The following MCUR1 variants were observed in gnomAD, a reference collection of about 807,000 sequenced individuals.
The protein encoded by MCUR1 is mitochondrial calcium uniporter regulator 1.
A neutral mutation model predicts 42.0 loss-of-function variants in MCUR1; 37 were observed. The observed-to-expected ratio is 0.88, with a 90% CI of 0.68 to 1.16. The LOEUF is 1.16. Ranked by LOEUF, MCUR1 falls within the 50% of genes most tolerant of loss-of-function variation. The pLI is 0.00. For missense variants in MCUR1, 469 were observed against 468.4 expected (o/e 1.00, Z -0.01); for synonymous variants, 229 against 196.2 (o/e 1.17, Z -1.40).
chr6:13,813,924 G>T, intron 1 of MCUR1, 91 bp downstream of exon 1: 1 of 1,196,668 alleles, frequency 8.4e-7, no homozygotes, highest in Non-Finnish European at 1.0e-6. Context: ...GGCCTGCCGG[G>T]CCTTTCCTCG....
At chr6:13,799,368 A>G (rs1759936839) in intron 5 of MCUR1, among the ~76,000 whole-genome samples, 1 of 152,174 alleles carries the variant, frequency 6.6e-6, no homozygotes, top group African/African-American at 2.4e-5. Flanking sequence ...TATGTTTAGT[A>G]GAGATGGGGT....
chr6:13,803,329 GGGATTACA>G (rs1760034795), intron 2 of MCUR1, among the ~76,000 whole-genome samples: 1 of 152,212 alleles, frequency 6.6e-6, no homozygotes, highest in Admixed American at 6.5e-5. Context: ...CCAACGTGCT[GGGATTACA>G]GGCGCAAGCC....
chr6:13,801,454 A>C, intron 3 of MCUR1, 65 bp from the exon 4 acceptor site: 181 of 1,076,792 alleles, frequency 1.7e-4, no homozygotes, highest in Non-Finnish European at 2.3e-4. Flanking sequence ...CTATCATCTC[A>C]ATGTGCTATC....
intron 1 of MCUR1, among the ~76,000 whole-genome samples, chr6:13,809,299 A>C (rs1760179633): frequency 6.6e-6 from 1 of 152,154 alleles, no homozygotes; most frequent in Admixed American, 6.5e-5. Flanking sequence ...CTTTAAGTAC[A>C]TTGTACTTTT....
chr6:13,798,741 T>C (rs1279506239), intron 6 of MCUR1, 92 bp downstream of exon 6: 3 of 852,368 alleles, frequency 3.5e-6, no homozygotes. Flanking sequence ...TATTTAACAG[T>C]ACCTATGACA....
At position 13,814,398 on chromosome 6, in the gene MCUR1, G is replaced by T; in HGVS notation, c.32C>A (p.Thr11Asn). 6.5e-7 allele frequency: 1 copy of T among 1,538,378 alleles called. No homozygotes were observed. ...CCGCTGGCGGCCGGGCAGGCGCTGG[G>T]TCCTCTGGCCGCCGACCGAGCCGCA... Reference protein sequence around the residue: MDCGSVGGQRTQRLPGRQRLL... With the variant: MDCGSVGGQRNQRLPGRQRLL... Residue 11 changes from threonine to asparagine, a missense_variant, in exon 1 of 9, where the codon ACC (threonine) becomes AAC (asparagine). Coordinates refer to ENST00000379170, the MANE Select transcript of MCUR1 (RefSeq NM_001031713.4).
At chr6:13,812,638 T>C (rs1180274322) in intron 1 of MCUR1, among the ~76,000 whole-genome samples, 1 of 152,238 alleles carries the variant, frequency 6.6e-6, no homozygotes, top group Non-Finnish European at 1.5e-5. Flanking sequence ...ACTCTCTGTA[T>C]ATAAAGTTTC....
intron 1 of MCUR1, among the ~76,000 whole-genome samples, chr6:13,810,304 T>C (rs925700433): frequency 1.3e-5 from 2 of 152,132 alleles, no homozygotes; most frequent in Admixed American, 6.5e-5. Flanking sequence ...CTACTACTAT[T>C]AAATATTGTA....
In MCUR1 at chr6:13,788,154, A is replaced by T. The variant is rs1759642472; in HGVS notation, c.*2655T>A. Reference sequence around the variant, plus strand: ...TGCCTTGGCCTCCCAAAGTGCTGGGATTATAGGCATGAGCCACCGCACCCA... The same window carrying T: ...TGCCTTGGCCTCCCAAAGTGCTGGGTTTATAGGCATGAGCCACCGCACCCA... On this transcript the variant is annotated 3_prime_UTR_variant, in exon 9 of 9. Coordinates refer to ENST00000379170, the MANE Select transcript of MCUR1 (RefSeq NM_001031713.4). 1 of 152,324 alleles carries T rather than the reference A, an allele frequency of 6.6e-6. No homozygotes were observed. Among genetic ancestry groups the T allele is most frequent in the African/African-American group, 2.4e-5 (1 of 41,444 alleles). The allele number at this position is 152,324 out of a possible 1,614,324, so 9.4% of individuals were successfully genotyped here.
chr6:13,788,500 T>A lies in MCUR1; in HGVS notation c.*2309A>T, dbSNP rs182300300. On this transcript the variant is annotated 3_prime_UTR_variant, in exon 9 of 9. Transcript: ENST00000379170. ...GAAGAACGACATGTGAGAAAACTTA[T>A]AGCAGATGCAAAAATGTCAACCCAC... 6.6e-6 allele frequency: 1 copy of A among 152,162 alleles called. No homozygotes were observed. The highest frequency in any genetic ancestry group is 2.4e-5 in the African/African-American group (1 of 41,452). The allele number at this position is 152,162 out of a possible 1,614,324, so 9.4% of individuals were successfully genotyped here. A position where few individuals can be genotyped will look rare whatever the true frequency, so the allele number is the denominator to read the frequency against.
At chr6:13,805,584 G>T (rs1760097008) in intron 2 of MCUR1, among the ~76,000 whole-genome samples, 1 of 152,194 alleles carries the variant, frequency 6.6e-6, no homozygotes, top group African/African-American at 2.4e-5. Context: ...GCAGGGTTAG[G>T]CTCGAGCCCA....
At chr6:13,798,791 A>G in intron 6 of MCUR1, 42 bp downstream of exon 6, 1 of 1,517,406 alleles carries the variant, frequency 6.6e-7, no homozygotes, top group Non-Finnish European at 9.1e-7. Context: ...TCCATTCCAA[A>G]AATAAATTAA....
chr6:13,806,473 T>C (rs1388625657), intron 2 of MCUR1, among the ~76,000 whole-genome samples: 1 of 152,226 alleles, frequency 6.6e-6, no homozygotes, highest in Non-Finnish European at 1.5e-5. Flanking sequence ...TGTACTTCCA[T>C]GGTGATGTTA....
Position 13,793,043 on chromosome 6 carries a change from A to T in MCUR1, c.909+851T>A, listed in dbSNP as rs577031016. Among the ~76,000 whole-genome samples the T allele has an allele frequency of 2.6e-3, 399 of 150,634 alleles. 1 individual carries two copies. The highest frequency in any genetic ancestry group is 4.4e-3 in the Non-Finnish European group (297 of 67,786). ...GTGAGCCTGTGGTCCCAGCTACTCT[A>T]CAGGCTGAGGTGAAGGAGGGTGCAG... is the stretch of plus-strand genomic sequence containing the variant. On this transcript the variant is annotated intron_variant, in intron 7 of 8. Transcript: ENST00000379170.
chr6:13,812,046 G>C (rs531638237), intron 1 of MCUR1, among the ~76,000 whole-genome samples: 18 of 152,200 alleles, frequency 1.2e-4, no homozygotes, highest in African/African-American at 4.3e-4. Flanking sequence ...TGAGGACACC[G>C]CCAACTCCCA....
rs964695160 is a variant in MCUR1 at position 13,799,833 on chromosome 6, T to C, written c.783+508A>G. 2.0e-3 allele frequency among the ~76,000 whole-genome samples: 280 copies of C among 141,916 alleles called. 1 individual carries two copies. Among genetic ancestry groups the C allele is most frequent in the African/African-American group, 6.6e-3 (234 of 35,246 alleles). The allele number at this position is 141,916 out of a possible 152,430, so 93.1% of individuals were successfully genotyped here. On this transcript the variant is annotated intron_variant, in intron 5 of 8. Coordinates refer to ENST00000379170, the MANE Select transcript of MCUR1 (RefSeq NM_001031713.4). ...CCTCCTAGAACACAATTTTCTTTTT[T>C]TTTTTTTTTTTTTTTTTGAGACAGT...
At chr6:13,795,525 A>G (rs1759836835) in intron 6 of MCUR1, among the ~76,000 whole-genome samples, 1 of 152,228 alleles carries the variant, frequency 6.6e-6, no homozygotes, top group East Asian at 1.9e-4. Context: ...AAAGAACGAG[A>G]GCCAGAAAAC....
chr6:13,804,743 T>C (rs1282514710), intron 2 of MCUR1, among the ~76,000 whole-genome samples: 1 of 144,292 alleles, frequency 6.9e-6, no homozygotes, highest in East Asian at 2.0e-4. Context: ...TGAGCCGAGA[T>C]TGTGCCACTG....
chr6:13,802,984 C>A (rs1321120533), intron 2 of MCUR1, among the ~76,000 whole-genome samples: 1 of 152,030 alleles, frequency 6.6e-6, no homozygotes, highest in Non-Finnish European at 1.5e-5. Flanking sequence ...GTCTGGGGGA[C>A]CCAAAGTAGA....
Sources: allele counts gnomAD v4.1 joint callset (sites outside exome capture counted in the v4.1 genomes callset), GRCh38; gene constraint gnomAD v4.1.1; transcripts MANE v1.5; gene names NCBI Gene and HGNC (gene_info 2026-07-23, HGNC 2026-07-21).